The following MET variants were observed in gnomAD, a reference collection of about 807,000 sequenced individuals.
The protein encoded by MET is hepatocyte growth factor receptor.
MET carries 48 observed loss-of-function variants against 133.1 expected under a neutral mutation model. That is an observed-to-expected ratio of 0.36 (90% CI 0.29 to 0.46). The LOEUF (loss-of-function observed/expected upper bound fraction) is 0.46, where lower values mean the gene tolerates loss of function less well. Ranked by LOEUF, MET falls within the 20% of genes least tolerant of loss-of-function variation. The pLI, the probability that MET is intolerant of heterozygous loss-of-function variation, is 1.00. For missense variants in MET, 1,442 were observed against 1,695.9 expected, an observed-to-expected ratio of 0.85 and a Z score of 2.63; for synonymous variants, 628 against 616.5, an observed-to-expected ratio of 1.02 and a Z score of -0.28.
chr7:116,719,566 T>C (rs1487161467), intron 2 of MET, among the ~76,000 whole-genome samples: 3 of 152,326 alleles, frequency 2.0e-5, no homozygotes, highest in Non-Finnish European at 2.9e-5. Context: ...TCCTTGCCCA[T>C]GCCTATGTCC....
chr7:116,741,599 A>G (rs1467034893), intron 5 of MET, among the ~76,000 whole-genome samples: 1 of 152,206 alleles, frequency 6.6e-6, no homozygotes, highest in African/African-American at 2.4e-5. Context: ...CTGTTCACAG[A>G]TGAGACTGAA....
At chr7:116,741,062 T>G (rs1793431467) in intron 5 of MET, 37 bp downstream of exon 5, 1 of 1,607,700 alleles carries the variant, frequency 6.2e-7, no homozygotes, top group South Asian at 1.1e-5. Context: ...ATGTTTTTGT[T>G]TGGTGTTTTT....
chr7:116,751,656 A>G (rs555469152), intron 5 of MET, among the ~76,000 whole-genome samples: 2 of 152,334 alleles, frequency 1.3e-5, no homozygotes, highest in East Asian at 1.9e-4. Context: ...TTTTGCTTCA[A>G]ACATGGTATC....
chr7:116,797,899 GA>G lies in MET; in HGVS notation c.*1779del. 1 of 224,164 alleles carries G rather than the reference GA, an allele frequency of 4.5e-6. No homozygotes were observed. Among genetic ancestry groups the G allele is most frequent in the Non-Finnish European group, 8.9e-6 (1 of 112,252 alleles). 13.9% of individuals were successfully genotyped at this position (224,164 alleles called of 1,614,324 possible). A position where few individuals can be genotyped will look rare whatever the true frequency, so the allele number is the denominator to read the frequency against. ...TAGTTGAGTTTGGCTGTTGTTGCAG[GA>G]AAATGATTATAACTAAAAGCTCTCT... is the stretch of plus-strand genomic sequence containing the variant. On this transcript the variant is annotated 3_prime_UTR_variant, in exon 21 of 21. Transcript: ENST00000397752.
chr7:116,782,151 T>C (rs1795176909), intron 18 of MET, 54 bp downstream of exon 18: 1 of 1,188,164 alleles, frequency 8.4e-7, no homozygotes, highest in Admixed American at 1.8e-5. Flanking sequence ...AGGAGGAATC[T>C]GTTTCCCACT....
intron 5 of MET, among the ~76,000 whole-genome samples, chr7:116,748,224 A>G (rs889915354): frequency 6.6e-6 from 1 of 152,264 alleles, no homozygotes; most frequent in African/African-American, 2.4e-5. Flanking sequence ...AGCCTGGGCA[A>G]CAGAGCAAGA....
intron 2 of MET, among the ~76,000 whole-genome samples, chr7:116,716,339 A>AGAG (rs1562893020): frequency 1.6e-4 from 17 of 105,326 alleles, no homozygotes; most frequent in Non-Finnish European, 3.0e-4. Flanking sequence ...GAGAGAGAGA[A>AGAG]AAGAAACGGA....
chr7:116,752,896 C>G (rs1793985189), intron 5 of MET, among the ~76,000 whole-genome samples: 2 of 152,286 alleles, frequency 1.3e-5, no homozygotes, highest in African/African-American at 4.8e-5. Flanking sequence ...GAAGAGCCGG[C>G]AGCAGCTGTG....
Position 116,759,266 on chromosome 7 carries a change from T to G in MET, c.2265-125T>G, listed in dbSNP as rs536805301. The G allele has an allele frequency of 4.2e-6, 6 of 1,418,306 alleles. No homozygotes were observed. In the African/African-American group the frequency reaches 8.6e-5, roughly 20 times the overall value. The allele number at this position is 1,418,306 out of a possible 1,614,324, so 87.9% of individuals were successfully genotyped here. A position where few individuals can be genotyped will look rare whatever the true frequency, so the allele number is the denominator to read the frequency against. On this transcript the variant is annotated intron_variant, in intron 9 of 20. Coordinates refer to ENST00000397752, the MANE Select transcript of MET (RefSeq NM_000245.4). The stretch of plus-strand genomic sequence containing the variant: ...TCCAAAGAACAGTTACCCATGAACT[T>G]CCATTTGATGTTGACTGTGCCTCTG...
chr7:116,761,617 G>A (rs1247971041), intron 10 of MET, among the ~76,000 whole-genome samples: 1 of 152,046 alleles, frequency 6.6e-6, no homozygotes, highest in African/African-American at 2.4e-5. Flanking sequence ...GTTAACATGT[G>A]CATTATGCCC....
At chr7:116,716,289 GAGAGA>G (rs1792193649) in intron 2 of MET, among the ~76,000 whole-genome samples, 1 of 37,850 alleles carries the variant, frequency 2.6e-5, no homozygotes, top group Non-Finnish European at 6.0e-5. Flanking sequence ...GAGAGGGAGA[GAGAGA>G]GAGAGAGAGA....
chr7:116,714,108 TGGCTATGATTGAAGTGCAGTATGAA>T, intron 2 of MET, among the ~76,000 whole-genome samples: 1 of 152,344 alleles, frequency 6.6e-6, no homozygotes, highest in East Asian at 1.9e-4. Context: ...CTGTCACTCC[TGGCTATGATTGAAGTGCAGTATGAA>T]GGCTGCTAAC....
intron 2 of MET, among the ~76,000 whole-genome samples, chr7:116,707,303 T>C (rs1791835889): frequency 6.6e-6 from 1 of 151,970 alleles, no homozygotes; most frequent in African/African-American, 2.4e-5. Context: ...AAAAAAACCA[T>C]TGTGAATTCA....
chr7:116,715,938 C>T (rs1562892621), intron 2 of MET, among the ~76,000 whole-genome samples: 1 of 152,116 alleles, frequency 6.6e-6, no homozygotes, highest in Non-Finnish European at 1.5e-5. Flanking sequence ...AGGCAATTTC[C>T]TTTAATTCAA....
At chr7:116,674,518 T>A (rs183417320) in intron 1 of MET, among the ~76,000 whole-genome samples, 44 of 152,340 alleles carry the variant, frequency 2.9e-4, no homozygotes, top group African/African-American at 9.4e-4. Context: ...TGAAGTAGCA[T>A]TAGTCATATT....
intron 1 of MET, among the ~76,000 whole-genome samples, chr7:116,684,527 G>A (rs1018392429): frequency 2.6e-5 from 4 of 152,204 alleles, no homozygotes; most frequent in Admixed American, 2.6e-4. Context: ...TTACTAGAAG[G>A]TAAGAGATGC....
chr7:116,776,583 A>G (rs1045541260), intron 15 of MET, among the ~76,000 whole-genome samples: 7 of 152,218 alleles, frequency 4.6e-5, no homozygotes, highest in African/African-American at 1.4e-4. Context: ...AGCACTCAAA[A>G]GCATAAGTTT....
chr7:116,774,301 C>T (rs1047374745), intron 14 of MET, among the ~76,000 whole-genome samples: 12 of 152,238 alleles, frequency 7.9e-5, no homozygotes, highest in Non-Finnish European at 1.8e-4. Flanking sequence ...TCTAACCTGC[C>T]TTCTCTAAAC....
intron 15 of MET, among the ~76,000 whole-genome samples, chr7:116,775,800 C>T (rs1584958560): frequency 6.6e-6 from 1 of 152,296 alleles, no homozygotes; most frequent in Non-Finnish European, 1.5e-5. Flanking sequence ...ACCCTGAGAA[C>T]AGTGACAAAC....
Sources: gnomAD v4.1 joint callset for allele counts (sites outside exome capture counted in the v4.1 genomes callset) on GRCh38, gnomAD v4.1.1 for gene constraint, MANE v1.5 for transcripts, NCBI Gene and HGNC (gene_info 2026-07-23, HGNC 2026-07-21) for gene names.